The following SV2C variants were observed in gnomAD, a reference collection of about 807,000 sequenced individuals.
SV2C encodes the protein synaptic vesicle glycoprotein 2C, also known as solute carrier family 22 member B3.
A neutral mutation model predicts 79.7 loss-of-function variants in SV2C; 49 were observed. That is an observed-to-expected ratio of 0.61 (90% CI 0.49 to 0.78). The LOEUF is 0.78. Among genes scored for constraint, SV2C ranks in the 30% least tolerant of loss-of-function variants. The pLI is 0.00. For synonymous variants in SV2C, 334 were observed against 333.2 expected, an observed-to-expected ratio of 1.00 and a Z score of -0.03; for missense variants, 833 against 912.9, an observed-to-expected ratio of 0.91 and a Z score of 1.13.
chr5:75,992,339 G>A, the SV2C span, among the ~76,000 whole-genome samples: 1 of 151,910 alleles, frequency 6.6e-6, no homozygotes, highest in East Asian at 1.9e-4. Flanking sequence ...TACTATATAT[G>A]TATATCTGTA....
the SV2C span, among the ~76,000 whole-genome samples, chr5:76,073,503 GTATATATATATATATA>G: frequency 1.0e-3 from 68 of 67,448 alleles, no homozygotes; most frequent in East Asian, 2.8e-3. Flanking sequence ...GTATGTGTGT[GTATATATATATATATA>G]TATATATATA....
At chr5:75,940,583 G>A in the SV2C span, among the ~76,000 whole-genome samples, 5 of 152,128 alleles carry the variant, frequency 3.3e-5, no homozygotes, top group Admixed American at 1.3e-4. Flanking sequence ...CCTGTAGACA[G>A]GAGTCTCTGT....
Position 76,329,187 on chromosome 5 carries a change from A to C in SV2C, c.*3640A>C, listed in dbSNP as rs1749101271. On this transcript the variant is annotated 3_prime_UTR_variant, in exon 13 of 13. Coordinates refer to ENST00000502798, the MANE Select transcript of SV2C (RefSeq NM_014979.4). ...CCGCATGGAATAGGCCAGAAAGCAC[A>C]GTCCCCATGCTGTCTGCCCTGCCAG... 6.6e-6 allele frequency: 1 copy of C among 152,236 alleles called. No individual in the cohort carries two copies. The highest frequency in any genetic ancestry group is 2.1e-4 in the South Asian group (1 of 4,828). The allele number at this position is 152,236 out of a possible 1,614,324, so 9.4% of individuals were successfully genotyped here.
rs141889642 is a variant in SV2C at position 76,291,613 on chromosome 5, A to C, written c.1249-155A>C. Among the ~76,000 whole-genome samples, 708 of 152,370 alleles carry C rather than the reference A, an allele frequency of 4.6e-3. 7 individuals are homozygous for C. Among genetic ancestry groups the C allele is most frequent in the African/African-American group, 0.016 (670 of 41,586 alleles). ...CCATTGACATCCAGGAAGCTGAAGA[A>C]TGAAAATTCCAATTACCTTTAACTT... On this transcript the variant is annotated intron_variant, in intron 7 of 12. Coordinates refer to ENST00000502798, the MANE Select transcript of SV2C (RefSeq NM_014979.4).
chr5:76,181,607 GA>G (rs1351513879), intron 2 of SV2C, among the ~76,000 whole-genome samples: 1 of 152,110 alleles, frequency 6.6e-6, no homozygotes, highest in African/African-American at 2.4e-5. Flanking sequence ...GAGAGAGAGG[GA>G]AGGGGGGATG....
intron 4 of SV2C, among the ~76,000 whole-genome samples, chr5:76,282,581 T>C (rs1457096125): frequency 6.6e-6 from 1 of 152,250 alleles, no homozygotes; most frequent in African/African-American, 2.4e-5. Flanking sequence ...AATAGAGATT[T>C]CTCTGAAACA....
chr5:76,303,704 C>T (rs1379650948), intron 12 of SV2C, among the ~76,000 whole-genome samples: 1 of 151,904 alleles, frequency 6.6e-6, no homozygotes, highest in Non-Finnish European at 1.5e-5. Context: ...TACAGACCTA[C>T]GGTGTTTCTG....
At chr5:76,112,279 G>A (rs1030801295) in intron 1 of SV2C, among the ~76,000 whole-genome samples, 1 of 152,224 alleles carries the variant, frequency 6.6e-6, no homozygotes. Flanking sequence ...GCACTCTTAG[G>A]TGGTGTGGTC....
rs931713068 is a variant in SV2C at position 76,285,474 on chromosome 5, C to T, written c.1047+179C>T. ...CAACAACCAACATGTAAAAAAGCTG[C>T]CTCATGGCTAGAAAGCACTCATGTT... is the stretch of plus-strand genomic sequence containing the variant. On this transcript the variant is annotated intron_variant, in intron 5 of 12. Transcript: ENST00000502798. The T allele has an allele frequency of 7.2e-6, 6 of 838,814 alleles. No homozygotes were observed. The Admixed American group carries it at 1.6e-4, about 22-fold the overall frequency. The allele number at this position is 838,814 out of a possible 1,614,324, so 52.0% of individuals were successfully genotyped here. A position where few individuals can be genotyped will look rare whatever the true frequency, so the allele number is the denominator to read the frequency against.
intron 2 of SV2C, among the ~76,000 whole-genome samples, chr5:76,191,889 A>T (rs556202469): frequency 7.9e-5 from 12 of 152,334 alleles, no homozygotes; most frequent in Admixed American, 7.2e-4. Context: ...AGGACACAAG[A>T]GTCACAGCCT....
the SV2C span, among the ~76,000 whole-genome samples, chr5:76,062,730 C>A: frequency 6.6e-6 from 1 of 151,958 alleles, no homozygotes; most frequent in African/African-American, 2.4e-5. Context: ...AAGAAAGGCT[C>A]TTTATTGTAA....
chr5:76,228,795 A>G (rs1745328912), intron 4 of SV2C, among the ~76,000 whole-genome samples: 1 of 101,784 alleles, frequency 9.8e-6, no homozygotes, highest in South Asian at 3.3e-4. Flanking sequence ...ACGCATTAAT[A>G]TTATCTATGT....
intron 12 of SV2C, among the ~76,000 whole-genome samples, chr5:76,319,282 G>A (rs2012412): frequency 0.27 from 40,654 of 151,418 alleles, 5,706 homozygotes; most frequent in East Asian, 0.43. Context: ...GCCCGTGTGC[G>A]GCAGTGCAAG....
chr5:75,871,557 C>T, the SV2C span, among the ~76,000 whole-genome samples: 3 of 152,034 alleles, frequency 2.0e-5, no homozygotes, highest in Admixed American at 6.6e-5. Flanking sequence ...TGCCTGTAAT[C>T]CCAGCACTTT....
the SV2C span, among the ~76,000 whole-genome samples, chr5:75,880,912 A>G: frequency 6.6e-6 from 1 of 152,146 alleles, no homozygotes; most frequent in Non-Finnish European, 1.5e-5. Context: ...GTTCTGCAAG[A>G]CGTAAAAGCA....
chr5:76,343,482 C>T (rs994502488), intron 12 of SV2C, among the ~76,000 whole-genome samples: 2 of 152,046 alleles, frequency 1.3e-5, no homozygotes, highest in African/African-American at 4.8e-5. Context: ...TTTCATTAGT[C>T]GTGAAGGAAA....
the SV2C span, among the ~76,000 whole-genome samples, chr5:76,024,150 A>G: frequency 2.0e-5 from 3 of 150,638 alleles, no homozygotes; most frequent in Non-Finnish European, 4.4e-5. Context: ...TCTTTAAATC[A>G]TGTTGCTTCT....
chr5:76,322,155 G>T (rs964321814), intron 12 of SV2C, among the ~76,000 whole-genome samples: 5 of 152,032 alleles, frequency 3.3e-5, no homozygotes, highest in Non-Finnish European at 2.9e-5. Flanking sequence ...ATTAATAAAA[G>T]AAAATAGAAA....
the SV2C span, among the ~76,000 whole-genome samples, chr5:75,886,355 A>T: frequency 1.3e-5 from 2 of 152,166 alleles, no homozygotes; most frequent in African/African-American, 4.8e-5. Flanking sequence ...CCTCCCTAGC[A>T]CAGTCTCCTA....
Sources: gnomAD v4.1 joint callset for allele counts (sites outside exome capture counted in the v4.1 genomes callset) on GRCh38, gnomAD v4.1.1 for gene constraint, MANE v1.5 for transcripts, NCBI Gene and HGNC (gene_info 2026-07-23, HGNC 2026-07-21) for gene names.